Variants in PRKCE observed in about 807,000 individuals in gnomAD.
PRKCE encodes protein kinase C epsilon type.
A neutral mutation model predicts 85.4 loss-of-function variants in PRKCE; 16 were observed. The observed-to-expected ratio is 0.19, with a 90% CI of 0.13 to 0.28. PRKCE has a LOEUF of 0.28. Among genes scored for constraint, PRKCE ranks in the 10% least tolerant of loss-of-function variants. PRKCE has a pLI of 1.00. For synonymous variants in PRKCE, 388 were observed against 371.5 expected, an observed-to-expected ratio of 1.04 and a Z score of -0.51; for missense variants, 573 against 975.2, an observed-to-expected ratio of 0.59 and a Z score of 5.49.
chr2:46,153,159 C>T (rs1017184643), intron 13 of PRKCE, among the ~76,000 whole-genome samples: 2 of 152,110 alleles, frequency 1.3e-5, no homozygotes, highest in Admixed American at 1.3e-4. Context: ...GTGAAGTTTC[C>T]AATCCTGTGG....
At chr2:46,095,199 G>T (rs78463066) in intron 11 of PRKCE, among the ~76,000 whole-genome samples, 1 of 152,190 alleles carries the variant, frequency 6.6e-6, no homozygotes, top group Non-Finnish European at 1.5e-5. Context: ...CTTAGTTGGG[G>T]AACCTCAGAC....
intron 1 of PRKCE, among the ~76,000 whole-genome samples, chr2:45,800,207 C>T (rs1687748844): frequency 6.6e-6 from 1 of 152,222 alleles, no homozygotes; most frequent in African/African-American, 2.4e-5. Context: ...CTAAACTCTG[C>T]ACAGTCAGGC....
chr2:45,709,083 T>C (rs1035831194), intron 1 of PRKCE, among the ~76,000 whole-genome samples: 3 of 152,186 alleles, frequency 2.0e-5, no homozygotes, highest in Non-Finnish European at 4.4e-5. Context: ...ACAAGTGGGA[T>C]TTGTGGAACT....
chr2:45,915,812 G>A (rs1467589968), intron 2 of PRKCE, among the ~76,000 whole-genome samples: 1 of 152,180 alleles, frequency 6.6e-6, no homozygotes, highest in Non-Finnish European at 1.5e-5. Flanking sequence ...CAGGATGAGA[G>A]AAGCCAGTTC....
Position 45,884,978 on chromosome 2 carries a change from TATATATATATATATATA to T in PRKCE, c.412+41916_412+41932del, listed in dbSNP as rs1558793000. Among the ~76,000 whole-genome samples, 7 of 69,216 alleles carry T rather than the reference TATATATATATATATATA, an allele frequency of 1.0e-4. 1 individual carries two copies. The highest frequency in any genetic ancestry group is 2.4e-3 in the East Asian group (1 of 422). The allele number at this position is 69,216 out of a possible 152,430, so 45.4% of individuals were successfully genotyped here. A position where few individuals can be genotyped will look rare whatever the true frequency, so the allele number is the denominator to read the frequency against. Reference sequence around the variant, plus strand: ...CCATATATATATATATATATATATATATATATATATATATATATATATATTTGTTGTTGTTGTTGTTG... The same window carrying T: ...CCATATATATATATATATATATATATTATATATTTGTTGTTGTTGTTGTTG... On this transcript the variant is annotated intron_variant, in intron 2 of 14. Transcript: ENST00000306156.
At chr2:45,703,652 T>C (rs1340954893) in intron 1 of PRKCE, among the ~76,000 whole-genome samples, 1 of 152,144 alleles carries the variant, frequency 6.6e-6, no homozygotes, top group Non-Finnish European at 1.5e-5. Context: ...AAACATGGGC[T>C]CTCTGCATGG....
At chr2:45,972,029 G>T (rs1028906935) in intron 2 of PRKCE, among the ~76,000 whole-genome samples, 1 of 152,128 alleles carries the variant, frequency 6.6e-6, no homozygotes, top group Non-Finnish European at 1.5e-5. Flanking sequence ...CGTTTCTTAA[G>T]AAACCTCGAT....
chr2:46,139,400 G>A lies in PRKCE; in HGVS notation c.1593-5693G>A, dbSNP rs556542754. ...CAGATAGAAGATATAACGGAAGAAA[G>A]CCCCCATTTACCAGAAGAATTTAAA... On this transcript the variant is annotated intron_variant, in intron 11 of 14. Coordinates refer to ENST00000306156, the MANE Select transcript of PRKCE (RefSeq NM_005400.3). The surrounding 1 kb of genome is among the most constrained non-coding windows in gnomAD (Gnocchi z 5.2). Among the ~76,000 whole-genome samples the A allele has an allele frequency of 4.1e-4, 63 of 152,206 alleles. No individual in the cohort carries two copies. The highest frequency in any genetic ancestry group is 7.5e-4 in the Non-Finnish European group (51 of 67,996).
At chr2:45,985,519 ATTC>A (rs1262815648) in intron 6 of PRKCE, among the ~76,000 whole-genome samples, 3 of 152,200 alleles carry the variant, frequency 2.0e-5, no homozygotes, top group Non-Finnish European at 4.4e-5. Flanking sequence ...GGAATGTATT[ATTC>A]ATAAATTCCC....
At position 45,774,626 on chromosome 2, in the gene PRKCE, G is replaced by A. The variant is rs1490805580; in HGVS notation, c.349-68374G>A. On this transcript the variant is annotated intron_variant, in intron 1 of 14. Coordinates refer to ENST00000306156, the MANE Select transcript of PRKCE (RefSeq NM_005400.3). This position sits in a 1 kb window ranked among gnomAD's most constrained non-coding sequence, Gnocchi z 4.3. Reference sequence around the variant, plus strand: ...GCAGCCTGTGGGGTAGGGTTGCACTGAGAGGGGTATTCTGAAGCCACAGGC... The same window carrying A: ...GCAGCCTGTGGGGTAGGGTTGCACTAAGAGGGGTATTCTGAAGCCACAGGC... Among the ~76,000 whole-genome samples the A allele has an allele frequency of 1.3e-5, 2 of 152,184 alleles. No individual in the cohort carries two copies. Among genetic ancestry groups the A allele is most frequent in the African/African-American group, 4.8e-5 (2 of 41,452 alleles).
At chr2:46,011,025 C>G in intron 10 of PRKCE, 2 of 1,143,382 alleles carry the variant, frequency 1.7e-6, no homozygotes, top group Non-Finnish European at 2.3e-6. Flanking sequence ...GCATAGGTGT[C>G]TGGGAACCAG....
At chr2:45,760,271 G>T (rs772366268) in intron 1 of PRKCE, among the ~76,000 whole-genome samples, 1 of 152,126 alleles carries the variant, frequency 6.6e-6, no homozygotes, top group Non-Finnish European at 1.5e-5. Flanking sequence ...GAAAATCAAG[G>T]CCACAGAAAG....
rs114489276 is a variant in PRKCE at position 45,995,699 on chromosome 2, A to G, written c.824-5705A>G. ...GCTGTCTGTTCTGTTCCATTGATCT[A>G]TTTGTCTGTTCCATTGATGTTTTGC... On this transcript the variant is annotated intron_variant, in intron 6 of 14. Coordinates refer to ENST00000306156, the MANE Select transcript of PRKCE (RefSeq NM_005400.3). 8.5e-3 allele frequency among the ~76,000 whole-genome samples: 1,290 copies of G among 152,020 alleles called. 20 individuals are homozygous for G. Among genetic ancestry groups the G allele is most frequent in the African/African-American group, 0.029 (1,209 of 41,456 alleles).
chr2:45,682,921 G>C (rs1448299705), intron 1 of PRKCE, among the ~76,000 whole-genome samples: 1 of 152,152 alleles, frequency 6.6e-6, no homozygotes, highest in African/African-American at 2.4e-5. Flanking sequence ...CTGGCATATA[G>C]TAGGCAAGAA....
intron 1 of PRKCE, among the ~76,000 whole-genome samples, chr2:45,712,858 G>T (rs1558585064): frequency 6.6e-6 from 1 of 152,090 alleles, no homozygotes; most frequent in Non-Finnish European, 1.5e-5. Flanking sequence ...TTGGAGGGCG[G>T]GGACCATGTG....
chr2:46,143,347 G>T (rs1033640432), intron 11 of PRKCE, among the ~76,000 whole-genome samples: 1 of 152,088 alleles, frequency 6.6e-6, no homozygotes, highest in African/African-American at 2.4e-5. Context: ...GGATAGAGGG[G>T]CATGTGACTC....
chr2:46,158,517 G>C (rs547367424), intron 13 of PRKCE, among the ~76,000 whole-genome samples: 1 of 152,180 alleles, frequency 6.6e-6, no homozygotes, highest in African/African-American at 2.4e-5. Flanking sequence ...CTTTATCTGG[G>C]GCTGCCCCCT....
At chr2:45,887,890 A>G (rs1252336020) in intron 2 of PRKCE, among the ~76,000 whole-genome samples, 1 of 152,210 alleles carries the variant, frequency 6.6e-6, no homozygotes, top group East Asian at 1.9e-4. Flanking sequence ...GCCCAACTGA[A>G]ATCATATCTG....
At chr2:45,926,332 T>C (rs1388524100) in intron 2 of PRKCE, among the ~76,000 whole-genome samples, 1 of 152,238 alleles carries the variant, frequency 6.6e-6, no homozygotes, top group Non-Finnish European at 1.5e-5. Context: ...ACATAACCAC[T>C]GTCTTCAAAT....
Sources: allele counts gnomAD v4.1 joint callset (sites outside exome capture counted in the v4.1 genomes callset), GRCh38; gene constraint gnomAD v4.1.1; non-coding constraint Gnocchi (gnomAD v3.1); transcripts MANE v1.5; gene names NCBI Gene and HGNC (gene_info 2026-07-23, HGNC 2026-07-21).